Variants in DYNC1I1 observed in about 807,000 individuals in gnomAD.
The protein encoded by DYNC1I1 is dynein cytoplasmic 1 intermediate chain 1, also known as cytoplasmic dynein 1 intermediate chain 1.
In DYNC1I1, 43 loss-of-function variants were observed where a neutral mutation model predicts 86.6. That is an observed-to-expected ratio of 0.50 (90% CI 0.39 to 0.64). DYNC1I1 has a LOEUF of 0.64. Ranked by LOEUF, DYNC1I1 falls within the 30% of genes least tolerant of loss-of-function variation. The pLI is 0.00. For synonymous variants in DYNC1I1, 262 were observed against 283.7 expected (o/e 0.92, Z 0.77); for missense variants, 604 against 788.8 (o/e 0.77, Z 2.81).
intron 6 of DYNC1I1, among the ~76,000 whole-genome samples, chr7:95,891,129 A>T (rs1790725696): frequency 6.6e-6 from 1 of 152,196 alleles, no homozygotes; most frequent in Admixed American, 6.5e-5. Flanking sequence ...CACAGAGGAA[A>T]GCCCATGTGA....
intron 10 of DYNC1I1, among the ~76,000 whole-genome samples, chr7:96,015,521 T>TC (rs368554785): frequency 2.1e-4 from 32 of 151,870 alleles, no homozygotes; most frequent in East Asian, 1.2e-3. Context: ...AATCATTTGA[T>TC]CCCCCCCCAG....
intron 16 of DYNC1I1, among the ~76,000 whole-genome samples, chr7:96,107,357 C>G (rs978661565): frequency 1.3e-5 from 2 of 151,774 alleles, no homozygotes; most frequent in Non-Finnish European, 1.5e-5. Flanking sequence ...TTTTGAAGGT[C>G]TGTTACTAGA....
At chr7:96,018,971 A>G (rs79880969) in intron 10 of DYNC1I1, among the ~76,000 whole-genome samples, 93 of 152,306 alleles carry the variant, frequency 6.1e-4, no homozygotes, top group African/African-American at 2.2e-3. Flanking sequence ...TGTTAAATAC[A>G]CAGATCACTA....
At chr7:96,075,424 G>A (rs1049968552) in intron 14 of DYNC1I1, among the ~76,000 whole-genome samples, 1 of 152,176 alleles carries the variant, frequency 6.6e-6, no homozygotes, top group African/African-American at 2.4e-5. Context: ...TGATTGGGGT[G>A]AGCTGACCCT....
intron 9 of DYNC1I1, among the ~76,000 whole-genome samples, chr7:95,995,457 A>G (rs549871044): frequency 6.6e-6 from 1 of 152,238 alleles, no homozygotes; most frequent in Admixed American, 6.5e-5. Context: ...GTCAGATATA[A>G]AGACCTGCAT....
chr7:96,075,354 G>T (rs1790298264), intron 14 of DYNC1I1, among the ~76,000 whole-genome samples: 1 of 152,064 alleles, frequency 6.6e-6, no homozygotes, highest in South Asian at 2.1e-4. Flanking sequence ...GGTGATCTAG[G>T]AATACTGTTC....
At chr7:95,941,895 C>T (rs113593232) in intron 6 of DYNC1I1, among the ~76,000 whole-genome samples, 118 of 152,298 alleles carry the variant, frequency 7.7e-4, no homozygotes, top group African/African-American at 2.7e-3. Flanking sequence ...TCTTCTGTGT[C>T]GCTCATGCTG....
intron 6 of DYNC1I1, among the ~76,000 whole-genome samples, chr7:95,933,473 A>G (rs955523126): frequency 2.0e-5 from 3 of 152,250 alleles, no homozygotes; most frequent in Non-Finnish European, 2.9e-5. Flanking sequence ...AACAATTTCT[A>G]GAATTGTAAG....
intron 8 of DYNC1I1, among the ~76,000 whole-genome samples, chr7:95,986,023 CGTGTGTGTGT>C (rs3138829): frequency 0.15 from 19,547 of 132,674 alleles, 1,506 homozygotes; most frequent in Non-Finnish European, 0.18. Context: ...CCTGGCAGGA[CGTGTGTGTGT>C]GTGTGTGTGT....
chr7:95,925,933 T>G (rs909748270), intron 6 of DYNC1I1, among the ~76,000 whole-genome samples: 1 of 152,190 alleles, frequency 6.6e-6, no homozygotes, highest in Non-Finnish European at 1.5e-5. Context: ...CTAATAAAGT[T>G]CCTTAATATT....
At chr7:96,103,814 G>A (rs570094768) in intron 16 of DYNC1I1, among the ~76,000 whole-genome samples, 11 of 152,120 alleles carry the variant, frequency 7.2e-5, no homozygotes, top group East Asian at 1.9e-4. Flanking sequence ...GGGTTTTACC[G>A]TGTTAGCAAG....
chr7:95,815,403 T>C (rs1215953728), intron 4 of DYNC1I1, among the ~76,000 whole-genome samples: 2 of 152,134 alleles, frequency 1.3e-5, no homozygotes, highest in African/African-American at 4.8e-5. Flanking sequence ...TGCAAGAAAA[T>C]TTGCATTGAA....
intron 6 of DYNC1I1, among the ~76,000 whole-genome samples, chr7:95,883,157 A>G (rs1160889022): frequency 6.6e-6 from 1 of 152,180 alleles, no homozygotes. Flanking sequence ...AATTGCAACC[A>G]TGGTTTGAGG....
intron 6 of DYNC1I1, among the ~76,000 whole-genome samples, chr7:95,878,476 T>C (rs1180103242): frequency 6.6e-6 from 1 of 152,020 alleles, no homozygotes; most frequent in Non-Finnish European, 1.5e-5. Flanking sequence ...AACATTGAAC[T>C]AATAGAAGAA....
intron 1 of DYNC1I1, among the ~76,000 whole-genome samples, chr7:95,802,276 C>G (rs1321870204): frequency 6.6e-6 from 1 of 152,142 alleles, no homozygotes; most frequent in African/African-American, 2.4e-5. Flanking sequence ...CAAATTGTTA[C>G]TGGACCTTCC....
chr7:95,927,700 T>C (rs192642075), intron 6 of DYNC1I1, among the ~76,000 whole-genome samples: 26 of 152,228 alleles, frequency 1.7e-4, no homozygotes, highest in Non-Finnish European at 1.6e-4. Context: ...ACAGACACTC[T>C]TCATACTATT....
At chr7:95,874,656 AG>A (rs1790260138) in intron 6 of DYNC1I1, among the ~76,000 whole-genome samples, 1 of 151,970 alleles carries the variant, frequency 6.6e-6, no homozygotes, top group South Asian at 2.1e-4. Flanking sequence ...AGAGAGAGAG[AG>A]AGAGAGAGAT....
At chr7:96,067,003 T>C (rs1474163154) in intron 14 of DYNC1I1, among the ~76,000 whole-genome samples, 3 of 152,182 alleles carry the variant, frequency 2.0e-5, no homozygotes, top group Non-Finnish European at 2.9e-5. Flanking sequence ...AAACATCTCC[T>C]AAAATGACAT....
intron 1 of DYNC1I1, among the ~76,000 whole-genome samples, chr7:95,776,451 A>G (rs1027684379): frequency 6.6e-6 from 1 of 152,202 alleles, no homozygotes; most frequent in Non-Finnish European, 1.5e-5. Context: ...TGGTTTTCAG[A>G]TGGTCATTGA....
Sources: gnomAD v4.1 joint callset for allele counts (sites outside exome capture counted in the v4.1 genomes callset) on GRCh38, gnomAD v4.1.1 for gene constraint, MANE v1.5 for transcripts, NCBI Gene and HGNC (gene_info 2026-07-23, HGNC 2026-07-21) for gene names.